YIPF7: variants seen among roughly 807,000 people sequenced by gnomAD.
The protein encoded by YIPF7 is Yip1 domain family member 7.
YIPF7 carries 35 observed loss-of-function variants against 27.2 expected under a neutral mutation model. The observed-to-expected ratio is 1.29, with a 90% CI of 0.98 to 1.70. The LOEUF is 1.70. Among genes scored for constraint, YIPF7 ranks in the 40% most tolerant of loss-of-function variants. The probability of loss-of-function intolerance (pLI) is 0.00; values close to 1 mark genes in which losing one functional copy is unlikely to be tolerated. For missense variants in YIPF7, 358 were observed against 303.7 expected, an observed-to-expected ratio of 1.18 and a Z score of -1.33; for synonymous variants, 137 against 110.4, an observed-to-expected ratio of 1.24 and a Z score of -1.51.
At chr4:44,626,900 C>T (rs1216184739) in intron 4 of YIPF7, among the ~76,000 whole-genome samples, 2 of 150,752 alleles carry the variant, frequency 1.3e-5, no homozygotes, top group Admixed American at 6.6e-5. Context: ...TTCAGCCTCC[C>T]GCGTAGCTGG....
Position 44,657,874 on chromosome 4 carries a change from T to C in YIPF7, c.-2+2575A>G, listed in dbSNP as rs79802389. Among the ~76,000 whole-genome samples the C allele has an allele frequency of 6.2e-4, 94 of 152,116 alleles. No homozygotes were observed. The East Asian group carries it at 0.016, about 26-fold the overall frequency. The stretch of plus-strand genomic sequence containing the variant: ...AAGGGAGGACCGCTCTCAGGATATA[T>C]AGTGAAAGGGAGTTGTGGCTTAGTG... On this transcript the variant is annotated intron_variant, in intron 2 of 2. Coordinates refer to the YIPF7 transcript ENST00000508947.
chr4:44,625,685 G>A (rs769066362), intron 4 of YIPF7, among the ~76,000 whole-genome samples: 1 of 152,122 alleles, frequency 6.6e-6, no homozygotes, highest in African/African-American at 2.4e-5. Context: ...TGCTCATAAA[G>A]CTAGTGTTTT....
intron 3 of YIPF7, among the ~76,000 whole-genome samples, chr4:44,632,504 C>G (rs1231078730): frequency 6.6e-6 from 1 of 152,066 alleles, no homozygotes; most frequent in African/African-American, 2.4e-5. Flanking sequence ...ATTGATTTTA[C>G]ATTAACAAAG....
At chr4:44,653,419 A>T (rs369408754), upstream of YIPF7, among the ~76,000 whole-genome samples, 20 of 152,260 alleles carry the variant, frequency 1.3e-4, no homozygotes, top group South Asian at 3.9e-3. Context: ...AGTGGCCTGA[A>T]CTAGGGTAGC....
upstream of YIPF7, among the ~76,000 whole-genome samples, chr4:44,654,133 G>C (rs919535882): frequency 2.0e-5 from 3 of 151,952 alleles, no homozygotes; most frequent in East Asian, 1.9e-4. Flanking sequence ...TTAATGCATA[G>C]GCAAGAATAT....
intron 2 of YIPF7, among the ~76,000 whole-genome samples, chr4:44,637,500 T>A (rs7679737): frequency 0.22 from 33,324 of 152,150 alleles, 3,840 homozygotes; most frequent in Middle Eastern, 0.36. Flanking sequence ...TGATTAGTGA[T>A]GTTGAGCATT....
rs143201582 is a variant in YIPF7, at chr4:44,638,027, G to T, written c.117-1942C>A. ...AAAAAAATTCCCATCAAAAAGTGGG[G>T]TAAGGACATAAACAGACAATTCTCA... is the stretch of plus-strand genomic sequence containing the variant. On this transcript the variant is annotated intron_variant, in intron 2 of 5. Transcript: ENST00000415895. 4.7e-3 allele frequency among the ~76,000 whole-genome samples: 715 copies of T among 152,134 alleles called. 6 individuals carry two copies. Among genetic ancestry groups the T allele is most frequent in the African/African-American group, 0.016 (666 of 41,474 alleles).
At chr4:44,632,907 C>T (rs1056330219) in intron 3 of YIPF7, among the ~76,000 whole-genome samples, 1 of 152,092 alleles carries the variant, frequency 6.6e-6, no homozygotes, top group Non-Finnish European at 1.5e-5. Flanking sequence ...GGCCGTGGAC[C>T]CATATCTACC....
At chr4:44,643,291 G>T (rs918318022) in intron 2 of YIPF7, among the ~76,000 whole-genome samples, 1 of 152,156 alleles carries the variant, frequency 6.6e-6, no homozygotes, top group African/African-American at 2.4e-5. Context: ...TTAAAAGTTA[G>T]AATGATGGTT....
intron 2 of YIPF7, among the ~76,000 whole-genome samples, chr4:44,640,537 C>T (rs1713288878): frequency 6.6e-6 from 1 of 152,196 alleles, no homozygotes; most frequent in African/African-American, 2.4e-5. Context: ...GAGGTCCTTC[C>T]ATGGGAAGGG....
At position 44,637,966 on chromosome 4, in the gene YIPF7, T is replaced by C. The variant is rs149081917; in HGVS notation, c.117-1881A>G. Among the ~76,000 whole-genome samples, 147 of 152,072 alleles carry C rather than the reference T, an allele frequency of 9.7e-4. No homozygotes were observed. In the East Asian group the frequency reaches 0.024, roughly 25 times the overall value. ...GAATAGTATTCAAAAGTGACTAATATCCAGAATCCACAAGGAACTCAAACA... is the reference window on the plus strand; with the variant it reads ...GAATAGTATTCAAAAGTGACTAATACCCAGAATCCACAAGGAACTCAAACA... On this transcript the variant is annotated intron_variant, in intron 2 of 5. Coordinates refer to ENST00000415895, the MANE Select transcript of YIPF7 (RefSeq NM_182592.3).
intron 1 of YIPF7, 109 bp from the exon 2 acceptor site, chr4:44,650,210 A>C: frequency 1.4e-6 from 1 of 721,750 alleles, no homozygotes; most frequent in Non-Finnish European, 2.4e-6. Flanking sequence ...TCCTATCAGA[A>C]AAAAAGATGT....
intron 2 of YIPF7, among the ~76,000 whole-genome samples, chr4:44,649,196 G>T (rs1223206194): frequency 6.6e-6 from 1 of 152,136 alleles, no homozygotes; most frequent in African/African-American, 2.4e-5. Context: ...CTCAAGAAGT[G>T]CCCTGGAAAA....
intron 4 of YIPF7, among the ~76,000 whole-genome samples, chr4:44,626,259 T>A (rs1712629886): frequency 6.6e-6 from 1 of 152,242 alleles, no homozygotes; most frequent in Non-Finnish European, 1.5e-5. Context: ...ATGCTAATGA[T>A]GGACATGCTA....
chr4:44,646,104 C>T (rs1045444344), intron 2 of YIPF7, among the ~76,000 whole-genome samples: 1 of 152,134 alleles, frequency 6.6e-6, no homozygotes, highest in Non-Finnish European at 1.5e-5. Flanking sequence ...TTAACAAGAA[C>T]AGCTCAGAAC....
upstream of YIPF7, among the ~76,000 whole-genome samples, chr4:44,654,048 C>T (rs1253034312): frequency 6.6e-6 from 1 of 151,960 alleles, no homozygotes; most frequent in Admixed American, 6.6e-5. Context: ...TAATCTCAGC[C>T]TCAAGTGAAT....
At chr4:44,633,765 G>C (rs1713006143) in intron 3 of YIPF7, among the ~76,000 whole-genome samples, 3 of 151,890 alleles carry the variant, frequency 2.0e-5, no homozygotes, top group African/African-American at 7.3e-5. Context: ...AATTAATATG[G>C]TTACTATATA....
chr4:44,656,859 T>A (rs1477159081), intron 2 of YIPF7, among the ~76,000 whole-genome samples: 19 of 152,120 alleles, frequency 1.2e-4, no homozygotes, highest in Admixed American at 1.2e-3. Context: ...AAATTTCTAA[T>A]AAGAAAAGTA....
At chr4:44,647,125 C>T (rs923319547) in intron 2 of YIPF7, among the ~76,000 whole-genome samples, 1 of 152,130 alleles carries the variant, frequency 6.6e-6, no homozygotes, top group Non-Finnish European at 1.5e-5. Flanking sequence ...CAAATCAGGA[C>T]TTAGATTTAA....
Sources: allele counts gnomAD v4.1 joint callset (sites outside exome capture counted in the v4.1 genomes callset), GRCh38; gene constraint gnomAD v4.1.1; transcripts MANE v1.5; gene names NCBI Gene and HGNC (gene_info 2026-07-23, HGNC 2026-07-21).